Variants in THADA observed in about 807,000 individuals in gnomAD.
THADA encodes THADA armadillo repeat containing, also known as tRNA (32-2'-O)-methyltransferase regulator THADA.
In THADA, 213 loss-of-function variants were observed where a neutral mutation model predicts 219.8. That is an observed-to-expected ratio of 0.97 (90% CI 0.87 to 1.09). THADA has a LOEUF of 1.09. Ranked by LOEUF, THADA falls within the 50% of genes least tolerant of loss-of-function variation. THADA has a pLI of 0.00. For missense variants in THADA, 2,956 were observed against 2,311.3 expected, an observed-to-expected ratio of 1.28 and a Z score of -5.72; for synonymous variants, 1,018 against 828.9, an observed-to-expected ratio of 1.23 and a Z score of -3.92.
chr2:43,242,916 G>A (rs1464879741), intron 36 of THADA, among the ~76,000 whole-genome samples: 1 of 152,226 alleles, frequency 6.6e-6, no homozygotes, highest in Non-Finnish European at 1.5e-5. Context: ...CCTGCCCAGT[G>A]CCCCAAGATG....
intron 35 of THADA, among the ~76,000 whole-genome samples, chr2:43,284,328 G>A (rs1673727520): frequency 6.6e-6 from 1 of 152,214 alleles, no homozygotes; most frequent in South Asian, 2.1e-4. Flanking sequence ...CCAGGGCCCA[G>A]CTGCTCTGTG....
chr2:43,453,937 C>G (rs145113866), intron 26 of THADA, among the ~76,000 whole-genome samples: 57 of 152,270 alleles, frequency 3.7e-4, no homozygotes, highest in African/African-American at 1.4e-3. Flanking sequence ...CTCTGTCACC[C>G]AGGCTGGAGT....
intron 28 of THADA, among the ~76,000 whole-genome samples, chr2:43,398,855 C>A (rs2104717853): frequency 6.6e-6 from 1 of 152,298 alleles, no homozygotes; most frequent in African/African-American, 2.4e-5. Context: ...ATGGTCTGAA[C>A]TTACTGTTAA....
intron 28 of THADA, among the ~76,000 whole-genome samples, chr2:43,421,771 T>C (rs1677752990): frequency 6.6e-6 from 1 of 152,230 alleles, no homozygotes; most frequent in Admixed American, 6.5e-5. Context: ...TTCAGAACTA[T>C]CCAGAACACA....
Position 43,586,461 on chromosome 2 carries a change from A to C in THADA, c.485-12T>G. The C allele has an allele frequency of 6.4e-7, 1 of 1,553,030 alleles. No homozygotes were observed. The highest frequency in any genetic ancestry group is 1.4e-5 in the African/African-American group (1 of 72,818). On this transcript the variant is annotated splice_polypyrimidine_tract_variant and intron_variant, in intron 6 of 37. Transcript: ENST00000405975. Reference sequence around the variant, plus strand: ...CAGAAAATGAAGCACTGAAACAAAAAGAATATGACAAATAAGAATTTAAAA... The same window carrying C: ...CAGAAAATGAAGCACTGAAACAAAACGAATATGACAAATAAGAATTTAAAA...
In THADA at chr2:43,309,810, CA is replaced by C. The variant is rs540176838; in HGVS notation, c.4438+10635del. 1.4e-4 allele frequency among the ~76,000 whole-genome samples: 21 copies of C among 151,860 alleles called. No individual in the cohort carries two copies. The East Asian group carries it at 4.1e-3, about 29-fold the overall frequency. ...GGAGGTTCTAGCCAGAGCAATTAGTCAAGAAAAAAGGAGTCCACAATAGAAC... is the reference window on the plus strand; with the variant it reads ...GGAGGTTCTAGCCAGAGCAATTAGTCAGAAAAAAGGAGTCCACAATAGAAC... On this transcript the variant is annotated intron_variant, in intron 31 of 37. Coordinates refer to ENST00000405975, the MANE Select transcript of THADA (RefSeq NM_022065.5).
intron 34 of THADA, 99 bp downstream of exon 34, chr2:43,291,597 G>C: frequency 1.3e-6 from 1 of 753,354 alleles, no homozygotes; most frequent in South Asian, 3.0e-5. Flanking sequence ...CATATCACAG[G>C]GGTTCTGCCT....
chr2:43,448,069 T>C (rs1469792217), intron 26 of THADA, among the ~76,000 whole-genome samples: 5 of 152,198 alleles, frequency 3.3e-5, no homozygotes, highest in African/African-American at 1.2e-4. Context: ...TTATTTCAAA[T>C]ATAATGCCAA....
chr2:43,405,439 C>T (rs565815509), intron 28 of THADA, among the ~76,000 whole-genome samples: 1 of 152,266 alleles, frequency 6.6e-6, no homozygotes, highest in East Asian at 1.9e-4. Context: ...AGCCCTTTTC[C>T]ACATTCTCAG....
intron 36 of THADA, among the ~76,000 whole-genome samples, chr2:43,244,781 G>A (rs1055554663): frequency 1.3e-5 from 2 of 152,248 alleles, no homozygotes; most frequent in Admixed American, 1.3e-4. Context: ...GCTCCTTGAT[G>A]ATTTCACTCT....
rs1333962456 is a variant in THADA, at chr2:43,412,612, G to A, written c.4059-14473C>T. ...TCTCCACTCCCCTATATACTTCAAA[G>A]CATTTCATTTATTATTCAAATGGTT... On this transcript the variant is annotated intron_variant, in intron 28 of 37. Coordinates refer to ENST00000405975, the MANE Select transcript of THADA (RefSeq NM_022065.5). Among the ~76,000 whole-genome samples the A allele has an allele frequency of 2.6e-5, 4 of 152,166 alleles. No individual in the cohort carries two copies. In the East Asian group the frequency reaches 7.7e-4, roughly 29 times the overall value.
intron 36 of THADA, among the ~76,000 whole-genome samples, chr2:43,276,844 C>T (rs749553515): frequency 6.6e-6 from 1 of 152,160 alleles, no homozygotes; most frequent in African/African-American, 2.4e-5. Context: ...CTGACTTCTA[C>T]ATCAGTGCCA....
intron 29 of THADA, among the ~76,000 whole-genome samples, chr2:43,372,829 G>A (rs1048514314): frequency 6.6e-6 from 1 of 152,166 alleles, no homozygotes; most frequent in African/African-American, 2.4e-5. Context: ...AATCTCCGCA[G>A]TAGCTGGGGT....
At chr2:43,382,859 A>G (rs537329397) in intron 29 of THADA, among the ~76,000 whole-genome samples, 1 of 152,350 alleles carries the variant, frequency 6.6e-6, no homozygotes, top group East Asian at 1.9e-4. Flanking sequence ...TTCCAAGCAC[A>G]CAATTTACAA....
chr2:43,242,188 C>A (rs112447212), intron 36 of THADA, among the ~76,000 whole-genome samples: 1 of 152,224 alleles, frequency 6.6e-6, no homozygotes, highest in African/African-American at 2.4e-5. Context: ...TGTGTCTTTC[C>A]TTTCCCAGGA....
At chr2:43,285,054 T>A (rs1251081702) in intron 35 of THADA, among the ~76,000 whole-genome samples, 1 of 152,214 alleles carries the variant, frequency 6.6e-6, no homozygotes, top group African/African-American at 2.4e-5. Flanking sequence ...GTAGCTAACT[T>A]GTTTTTGATT....
intron 30 of THADA, among the ~76,000 whole-genome samples, chr2:43,320,999 A>G (rs958503930): frequency 6.6e-6 from 1 of 152,198 alleles, no homozygotes; most frequent in Admixed American, 6.5e-5. Context: ...GTATCTGTGG[A>G]CTTGAAATAA....
intron 29 of THADA, among the ~76,000 whole-genome samples, chr2:43,377,655 C>G (rs930517006): frequency 1.3e-5 from 2 of 152,014 alleles, no homozygotes; most frequent in Non-Finnish European, 2.9e-5. Context: ...AAAATTTGTT[C>G]CTTATGAGCA....
intron 16 of THADA, 22 bp from the exon 17 acceptor site, chr2:43,556,577 G>A: frequency 6.3e-7 from 1 of 1,592,802 alleles, no homozygotes; most frequent in Non-Finnish European, 8.6e-7. Flanking sequence ...CGCAGACTCA[G>A]TAACTGTCAA....
Sources: gnomAD v4.1 joint callset for allele counts (sites outside exome capture counted in the v4.1 genomes callset) on GRCh38, gnomAD v4.1.1 for gene constraint, MANE v1.5 for transcripts, NCBI Gene and HGNC (gene_info 2026-07-23, HGNC 2026-07-21) for gene names.